Variants in TMEM132C observed in about 807,000 individuals in gnomAD.
TMEM132C encodes protein phosphatase 1, regulatory subunit 152.
In TMEM132C, 29 loss-of-function variants were observed where a neutral mutation model predicts 61.4. The ratio of observed to expected loss-of-function variants is 0.47; its 90% CI spans 0.35 to 0.64. TMEM132C has a LOEUF of 0.64. Ranked by LOEUF, TMEM132C falls within the 30% of genes least tolerant of loss-of-function variation. The pLI, the probability that TMEM132C is intolerant of heterozygous loss-of-function variation, is 0.00. For synonymous variants in TMEM132C, 656 were observed against 633.1 expected (o/e 1.04, Z -0.54); for missense variants, 1,408 against 1,476.9 (o/e 0.95, Z 0.76).
At chr12:128,454,104 A>G (rs1365275033) in intron 2 of TMEM132C, among the ~76,000 whole-genome samples, 1 of 152,226 alleles carries the variant, frequency 6.6e-6, no homozygotes, top group Admixed American at 6.5e-5. Flanking sequence ...ACAAGGATAT[A>G]GACAAGATAA....
chr12:128,608,280 A>G (rs1232945460), intron 3 of TMEM132C, among the ~76,000 whole-genome samples: 1 of 152,236 alleles, frequency 6.6e-6, no homozygotes, highest in East Asian at 1.9e-4. Context: ...GGCTTACTAC[A>G]GGTCAAAAAC....
intron 3 of TMEM132C, among the ~76,000 whole-genome samples, chr12:128,586,569 G>A (rs975505816): frequency 1.3e-5 from 2 of 152,114 alleles, no homozygotes; most frequent in Non-Finnish European, 1.5e-5. Flanking sequence ...CCAAGCTGCT[G>A]CCTTTATTTA....
chr12:128,521,283 A>T (rs952852441), intron 2 of TMEM132C, among the ~76,000 whole-genome samples: 4 of 149,364 alleles, frequency 2.7e-5, no homozygotes, highest in Non-Finnish European at 5.9e-5. Context: ...TTCTGAGATG[A>T]CATCTGTGCT....
chr12:128,702,530 C>G (rs1954811258), intron 8 of TMEM132C, among the ~76,000 whole-genome samples: 2 of 152,160 alleles, frequency 1.3e-5, no homozygotes, highest in Admixed American at 6.5e-5. Context: ...CACAACCACT[C>G]CCGGTGCAGC....
intron 4 of TMEM132C, among the ~76,000 whole-genome samples, chr12:128,650,268 T>C (rs1209298865): frequency 6.6e-6 from 1 of 152,118 alleles, no homozygotes; most frequent in Non-Finnish European, 1.5e-5. Context: ...CCCTTGTAGG[T>C]CATTTTGACA....
chr12:128,503,955 G>T (rs1872266219), intron 2 of TMEM132C, among the ~76,000 whole-genome samples: 2 of 152,246 alleles, frequency 1.3e-5, no homozygotes, highest in Non-Finnish European at 2.9e-5. Context: ...TCTGGCCCAT[G>T]AACCCTTTTG....
chr12:128,310,655 A>G (rs771671878), intron 1 of TMEM132C, among the ~76,000 whole-genome samples: 1 of 151,796 alleles, frequency 6.6e-6, no homozygotes, highest in Non-Finnish European at 1.5e-5. Context: ...TAATCCAGAC[A>G]CCTCCCACCA....
chr12:128,447,324 T>A (rs1870014590), intron 2 of TMEM132C, among the ~76,000 whole-genome samples: 1 of 152,116 alleles, frequency 6.6e-6, no homozygotes, highest in South Asian at 2.1e-4. Flanking sequence ...TCCCTTAAAA[T>A]TACTGTCTTA....
intron 1 of TMEM132C, among the ~76,000 whole-genome samples, chr12:128,313,069 C>A (rs996033181): frequency 3.9e-5 from 6 of 152,224 alleles, no homozygotes; most frequent in African/African-American, 1.4e-4. Context: ...TTAGCCCAAG[C>A]TGCTGCTTCC....
intron 1 of TMEM132C, among the ~76,000 whole-genome samples, chr12:128,382,038 C>T (rs917725093): frequency 1.1e-4 from 17 of 150,510 alleles, no homozygotes; most frequent in Admixed American, 5.3e-4. Flanking sequence ...TTTTGTTATT[C>T]GCTTTTTTTT....
intron 5 of TMEM132C, among the ~76,000 whole-genome samples, chr12:128,670,986 AAAAC>A (rs1270344819): frequency 1.3e-5 from 2 of 152,244 alleles, no homozygotes; most frequent in Non-Finnish European, 2.9e-5. Context: ...AAAAAAATAA[AAAAC>A]AAAATACATT....
At chr12:128,523,812 A>G (rs7304655) in intron 2 of TMEM132C, among the ~76,000 whole-genome samples, 1,851 of 10,764 alleles carry the variant, frequency 0.17, 23 homozygotes, top group Middle Eastern at 0.23. Flanking sequence ...CAAGCCCAGG[A>G]AAAAAAAAAA....
chr12:128,693,526 A>T (rs1954734738), intron 5 of TMEM132C, among the ~76,000 whole-genome samples: 1 of 152,130 alleles, frequency 6.6e-6, no homozygotes, highest in South Asian at 2.1e-4. Context: ...CAAGTGGACA[A>T]TTCTAGATAC....
chr12:128,657,601 C>A (rs1324197541), intron 4 of TMEM132C, among the ~76,000 whole-genome samples: 1 of 152,158 alleles, frequency 6.6e-6, no homozygotes, highest in Non-Finnish European at 1.5e-5. Context: ...GTGTCCTGTT[C>A]TTAATTCAGT....
intron 1 of TMEM132C, among the ~76,000 whole-genome samples, chr12:128,362,631 C>T (rs1430461365): frequency 1.3e-5 from 2 of 152,158 alleles, no homozygotes; most frequent in Non-Finnish European, 2.9e-5. Flanking sequence ...TTGAACATCC[C>T]AATGTGAAAA....
At chr12:128,562,933 A>G (rs570902668) in intron 3 of TMEM132C, among the ~76,000 whole-genome samples, 52 of 152,326 alleles carry the variant, frequency 3.4e-4, no homozygotes, top group African/African-American at 1.1e-3. Flanking sequence ...AAATGTTGCT[A>G]CAGTCAGTGC....
rs1868716459 is a variant in TMEM132C, at chr12:128,415,066, C to G, written c.420C>G (p.Val140=). The G allele has an allele frequency of 1.9e-6, 3 of 1,597,910 alleles. No individual in the cohort carries two copies. Among genetic ancestry groups the G allele is most frequent in the East Asian group, 4.5e-5 (2 of 44,024 alleles). The change falls in exon 2 of 9, where the codon GTC becomes GTG. Residue 140 remains valine, a synonymous_variant. Transcript: ENST00000435159. The surrounding 1 kb of genome is among the most constrained non-coding windows in gnomAD (Gnocchi z 5.8). ...AAGCCCACATCCTGCGGGACAAAGTCTACCTGAGCCGGCCCAAAGTGCAGG... is the reference window on the plus strand; with the variant it reads ...AAGCCCACATCCTGCGGGACAAAGTGTACCTGAGCCGGCCCAAAGTGCAGG... ...KLKAHILRDK[V]YLSRPKVQVL...
At chr12:128,502,593 A>C (rs1033212342) in intron 2 of TMEM132C, among the ~76,000 whole-genome samples, 1 of 152,080 alleles carries the variant, frequency 6.6e-6, no homozygotes, top group Non-Finnish European at 1.5e-5. Flanking sequence ...TCTACACCAG[A>C]GTGGATCCAA....
chr12:128,375,259 A>C (rs1427966364), intron 1 of TMEM132C, among the ~76,000 whole-genome samples: 7 of 152,100 alleles, frequency 4.6e-5, no homozygotes, highest in Non-Finnish European at 4.4e-5. Context: ...TTGTCACAGG[A>C]AGGCCACGGG....
Sources: gnomAD v4.1 joint callset for allele counts (sites outside exome capture counted in the v4.1 genomes callset) on GRCh38, gnomAD v4.1.1 for gene constraint, Gnocchi (gnomAD v3.1) non-coding constraint, MANE v1.5 for transcripts, NCBI Gene and HGNC (gene_info 2026-07-23, HGNC 2026-07-21) for gene names.